The following GPC5 variants were observed in gnomAD, a reference collection of about 807,000 sequenced individuals.
GPC5 encodes glypican 5, also known as glypican-5.
Under a neutral mutation model 53.9 loss-of-function variants are expected in GPC5, and 47 were observed. The observed-to-expected ratio is 0.87, with a 90% CI of 0.69 to 1.11. GPC5 has a LOEUF of 1.11. GPC5 is among the 50% of genes most tolerant of loss of function. GPC5 has a pLI of 0.00. For synonymous variants in GPC5, 286 were observed against 263.3 expected, an observed-to-expected ratio of 1.09 and a Z score of -0.84; for missense variants, 748 against 713.1, an observed-to-expected ratio of 1.05 and a Z score of -0.56.
intron 7 of GPC5, among the ~76,000 whole-genome samples, chr13:92,224,343 C>T (rs1458088545): frequency 6.6e-6 from 1 of 152,140 alleles, no homozygotes; most frequent in Non-Finnish European, 1.5e-5. Flanking sequence ...GTCAATTCTT[C>T]AAAGTTGTAT....
chr13:92,637,298 C>T (rs1885440110), intron 7 of GPC5, among the ~76,000 whole-genome samples: 1 of 152,054 alleles, frequency 6.6e-6, no homozygotes, highest in South Asian at 2.1e-4. Flanking sequence ...AGAAGAGTAA[C>T]AGAGATCAGA....
At chr13:91,842,706 A>G (rs2038803367) in intron 5 of GPC5, among the ~76,000 whole-genome samples, 1 of 40,634 alleles carries the variant, frequency 2.5e-5, no homozygotes, top group Non-Finnish European at 5.7e-5. Flanking sequence ...CTCCGTCTCA[A>G]AAAAAAAAAA....
chr13:92,166,956 T>TCACACA (rs199854897), intron 7 of GPC5, among the ~76,000 whole-genome samples: 7 of 84,710 alleles, frequency 8.3e-5, no homozygotes, highest in African/African-American at 1.3e-4. Context: ...TCTCTCTCTC[T>TCACACA]CACACACACA....
chr13:92,866,160 G>A, intron 7 of GPC5, 122 bp from the exon 8 acceptor site: 4 of 668,398 alleles, frequency 6.0e-6, no homozygotes, highest in African/African-American at 1.9e-5. Flanking sequence ...GTTAGAGTTA[G>A]GTGAACATAG....
chr13:92,278,795 C>T (rs985637644), intron 7 of GPC5, among the ~76,000 whole-genome samples: 2 of 151,986 alleles, frequency 1.3e-5, no homozygotes, highest in Admixed American at 6.6e-5. Context: ...CTCCTCCCCC[C>T]GTTGACTTGT....
chr13:92,007,821 TA>T, intron 6 of GPC5, among the ~76,000 whole-genome samples: 1 of 152,168 alleles, frequency 6.6e-6, no homozygotes, highest in Non-Finnish European at 1.5e-5. Flanking sequence ...AGACGACTTT[TA>T]AAATATGGTC....
chr13:91,711,294 TGTCCTTTGCAG>T (rs982701407), intron 3 of GPC5, among the ~76,000 whole-genome samples: 1 of 152,214 alleles, frequency 6.6e-6, no homozygotes, highest in Admixed American at 6.5e-5. Flanking sequence ...GATGAGTTCA[TGTCCTTTGCAG>T]GGACATGGAT....
chr13:92,408,459 AG>A (rs1364213921), intron 7 of GPC5, among the ~76,000 whole-genome samples: 1 of 152,086 alleles, frequency 6.6e-6, no homozygotes, highest in Non-Finnish European at 1.5e-5. Context: ...CCTTTCCATG[AG>A]AAGTTTATTA....
At chr13:92,743,757 C>T (rs1889169514) in intron 7 of GPC5, among the ~76,000 whole-genome samples, 3 of 152,048 alleles carry the variant, frequency 2.0e-5, no homozygotes, top group Admixed American at 1.3e-4. Flanking sequence ...TGATATTCGT[C>T]CCATCAATAC....
chr13:92,506,932 A>C (rs547339659), intron 7 of GPC5, among the ~76,000 whole-genome samples: 1 of 152,172 alleles, frequency 6.6e-6, no homozygotes, highest in Non-Finnish European at 1.5e-5. Flanking sequence ...AGATCATTGC[A>C]CTTAAGATAT....
At chr13:92,294,117 C>T (rs1174240576) in intron 7 of GPC5, among the ~76,000 whole-genome samples, 1 of 152,130 alleles carries the variant, frequency 6.6e-6, no homozygotes, top group Non-Finnish European at 1.5e-5. Context: ...AGGATTTTAG[C>T]ATCTGTGTTC....
Position 91,589,960 on chromosome 13 carries a change from T to C in GPC5, c.326-103227T>C, listed in dbSNP as rs558427242. ...TATAGTGTGTAACCTTGGAGTTTGA[T>C]AATTCAGGTGTACTACATTAAAATT... On this transcript the variant is annotated intron_variant, in intron 2 of 7. Transcript: ENST00000377067. Among the ~76,000 whole-genome samples, 89 of 152,254 alleles carry C rather than the reference T, an allele frequency of 5.8e-4. 1 individual carries two copies. The South Asian group carries it at 0.018, about 31-fold the overall frequency.
At chr13:91,993,986 A>G (rs1275939192) in intron 6 of GPC5, among the ~76,000 whole-genome samples, 2 of 152,252 alleles carry the variant, frequency 1.3e-5, no homozygotes, top group African/African-American at 2.4e-5. Flanking sequence ...CTGCAATGAC[A>G]TAAATCCCAA....
At chr13:91,927,568 T>C (rs934409094) in intron 6 of GPC5, among the ~76,000 whole-genome samples, 3 of 151,420 alleles carry the variant, frequency 2.0e-5, no homozygotes, top group East Asian at 1.9e-4. Flanking sequence ...CTGTAGCAAC[T>C]TTTTTTTTGT....
intron 6 of GPC5, among the ~76,000 whole-genome samples, chr13:91,946,371 C>T (rs2039974587): frequency 6.6e-6 from 1 of 151,886 alleles, no homozygotes; most frequent in Admixed American, 6.6e-5. Context: ...TTAAATTTAC[C>T]ATTACTCCAT....
intron 7 of GPC5, among the ~76,000 whole-genome samples, chr13:92,166,287 A>G (rs188427340): frequency 6.6e-6 from 1 of 152,332 alleles, no homozygotes; most frequent in Admixed American, 6.5e-5. Context: ...AAATACATGA[A>G]GTAACAAGAC....
At chr13:91,675,417 A>G (rs1231689574) in intron 2 of GPC5, among the ~76,000 whole-genome samples, 1 of 152,182 alleles carries the variant, frequency 6.6e-6, no homozygotes, top group Non-Finnish European at 1.5e-5. Context: ...CCACACTAAC[A>G]TTCAATTTTT....
chr13:92,272,270 A>C (rs1048049442), intron 7 of GPC5, among the ~76,000 whole-genome samples: 1 of 152,204 alleles, frequency 6.6e-6, no homozygotes, highest in Non-Finnish European at 1.5e-5. Flanking sequence ...AGAAAGGTAG[A>C]AACACAGGAA....
At chr13:91,964,809 A>G in intron 6 of GPC5, among the ~76,000 whole-genome samples, 1 of 152,102 alleles carries the variant, frequency 6.6e-6, no homozygotes, top group Admixed American at 6.5e-5. Context: ...CACTATTCAC[A>G]ATAGCAAAGA....
Sources: gnomAD v4.1 joint callset for allele counts (sites outside exome capture counted in the v4.1 genomes callset) on GRCh38, gnomAD v4.1.1 for gene constraint, MANE v1.5 for transcripts, NCBI Gene and HGNC (gene_info 2026-07-23, HGNC 2026-07-21) for gene names.